The following NCKAP5 variants were observed in gnomAD, a reference collection of about 807,000 sequenced individuals.
The protein encoded by NCKAP5 is NCK associated protein 5.
A neutral mutation model predicts 167.0 loss-of-function variants in NCKAP5; 92 were observed. The observed-to-expected ratio is 0.55, with a 90% CI of 0.47 to 0.66. The LOEUF (loss-of-function observed/expected upper bound fraction) is 0.66. NCKAP5 is among the 30% of genes least tolerant of loss of function. The pLI is 0.00. For synonymous variants in NCKAP5, 891 were observed against 877.4 expected (o/e 1.02, Z -0.27); for missense variants, 2,378 against 2,315.0 (o/e 1.03, Z -0.56).
intron 4 of NCKAP5, among the ~76,000 whole-genome samples, chr2:133,214,769 G>A (rs1259074990): frequency 6.6e-6 from 1 of 152,146 alleles, no homozygotes; most frequent in Non-Finnish European, 1.5e-5. Flanking sequence ...CTACTATCAA[G>A]ATGAGAAATT....
chr2:133,027,215 G>A (rs1232388632), intron 6 of NCKAP5, among the ~76,000 whole-genome samples: 1 of 152,232 alleles, frequency 6.6e-6, no homozygotes, highest in Admixed American at 6.5e-5. Flanking sequence ...TGGTTCTAAC[G>A]CAGACAGGTC....
At chr2:133,058,493 G>T (rs1299197218) in intron 6 of NCKAP5, among the ~76,000 whole-genome samples, 2 of 152,180 alleles carry the variant, frequency 1.3e-5, no homozygotes, top group African/African-American at 4.8e-5. Context: ...CCTCATGAAT[G>T]ACTTTGAGGG....
intron 3 of NCKAP5, among the ~76,000 whole-genome samples, chr2:133,444,409 T>TAGATATAGATAG (rs1190357351): frequency 1.4e-3 from 196 of 138,750 alleles, no homozygotes; most frequent in East Asian, 5.4e-3. Flanking sequence ...GATAGATAGA[T>TAGATATAGATAG]ATAGATATAG....
At chr2:132,884,058 TCAAA>T (rs1274664864) in intron 8 of NCKAP5, among the ~76,000 whole-genome samples, 2 of 152,202 alleles carry the variant, frequency 1.3e-5, no homozygotes, top group African/African-American at 4.8e-5. Flanking sequence ...CCAGAACTCC[TCAAA>T]CACTGTTTCT....
chr2:132,794,255 TATATATATAGAGAGAGAGAGAG>T (rs1355026457), intron 12 of NCKAP5, among the ~76,000 whole-genome samples: 24 of 49,022 alleles, frequency 4.9e-4, no homozygotes, highest in African/African-American at 1.7e-3. Context: ...TATATATATA[TATATATATAGAGAGAGAGAGAG>T]AGAGAGAGAG....
At chr2:133,597,451 C>T in the NCKAP5 span, among the ~76,000 whole-genome samples, 475 of 152,130 alleles carry the variant, frequency 3.1e-3, 13 homozygotes, top group East Asian at 0.082. Flanking sequence ...AGGTGGATCA[C>T]GAGGTCAGGA....
chr2:133,145,910 C>CTTACAGCT (rs1195509878), intron 5 of NCKAP5, among the ~76,000 whole-genome samples: 1 of 152,048 alleles, frequency 6.6e-6, no homozygotes, highest in African/African-American at 2.4e-5. Context: ...TTACAAGCTT[C>CTTACAGCT]TTACAGCTGA....
chr2:133,463,461 T>C (rs535949633), intron 3 of NCKAP5, among the ~76,000 whole-genome samples: 3 of 152,380 alleles, frequency 2.0e-5, no homozygotes, highest in Non-Finnish European at 2.9e-5. Context: ...CTTTAAGTTT[T>C]AGGCTGAAGT....
intron 19 of NCKAP5, among the ~76,000 whole-genome samples, chr2:132,674,010 T>C (rs1171972657): frequency 6.6e-6 from 1 of 152,180 alleles, no homozygotes; most frequent in Non-Finnish European, 1.5e-5. Flanking sequence ...AATTCAATAA[T>C]TATCATAGGT....
chr2:133,115,752 A>T (rs2082050915), intron 6 of NCKAP5, among the ~76,000 whole-genome samples: 1 of 127,196 alleles, frequency 7.9e-6, no homozygotes, highest in Non-Finnish European at 1.6e-5. Flanking sequence ...TCTGGAGGTA[A>T]ATTGAAGTAT....
intron 8 of NCKAP5, among the ~76,000 whole-genome samples, chr2:132,948,310 GC>G (rs2076053827): frequency 6.6e-6 from 1 of 152,136 alleles, no homozygotes; most frequent in African/African-American, 2.4e-5. Context: ...GCAGCTCATT[GC>G]AACGTGATTC....
intron 6 of NCKAP5, among the ~76,000 whole-genome samples, chr2:133,011,710 A>C (rs931616180): frequency 2.7e-4 from 41 of 152,310 alleles, no homozygotes; most frequent in African/African-American, 9.4e-4. Flanking sequence ...TCAATACAGA[A>C]GAAGGAGCTT....
intron 3 of NCKAP5, among the ~76,000 whole-genome samples, chr2:133,309,482 G>A (rs1223760669): frequency 1.3e-5 from 2 of 152,170 alleles, no homozygotes; most frequent in Middle Eastern, 3.4e-3. Context: ...GGCTGAAGGT[G>A]GGGGGCACCA....
chr2:133,028,197 T>C (rs2078760665), intron 6 of NCKAP5, among the ~76,000 whole-genome samples: 4 of 152,172 alleles, frequency 2.6e-5, no homozygotes, highest in Admixed American at 2.6e-4. Context: ...ATTTTTTTAT[T>C]CTTAGAGGAA....
intron 16 of NCKAP5, among the ~76,000 whole-genome samples, chr2:132,766,872 T>C (rs1249415697): frequency 1.3e-5 from 2 of 152,216 alleles, no homozygotes; most frequent in African/African-American, 2.4e-5. Flanking sequence ...GTACATCATA[T>C]GACTATTTTA....
intron 7 of NCKAP5, among the ~76,000 whole-genome samples, chr2:132,972,658 G>A (rs747387406): frequency 2.6e-5 from 4 of 151,980 alleles, no homozygotes; most frequent in Admixed American, 1.3e-4. Flanking sequence ...TCAAGAGATC[G>A]AGATCATCTT....
At chr2:133,080,104 C>G (rs1444521404) in intron 6 of NCKAP5, among the ~76,000 whole-genome samples, 1 of 152,098 alleles carries the variant, frequency 6.6e-6, no homozygotes, top group African/African-American at 2.4e-5. Context: ...CTGATACATA[C>G]AAGACCATAC....
the NCKAP5 span, among the ~76,000 whole-genome samples, chr2:133,585,200 G>C: frequency 6.6e-6 from 1 of 152,122 alleles, no homozygotes; most frequent in Non-Finnish European, 1.5e-5. Context: ...AAACAGTTTA[G>C]GAGACATGTT....
In NCKAP5 at chr2:132,883,987, T is replaced by G. The variant is rs565757225; in HGVS notation, c.580-5071A>C. On this transcript the variant is annotated intron_variant, in intron 8 of 19. Coordinates refer to ENST00000409261, the MANE Select transcript of NCKAP5 (RefSeq NM_207363.3). ...GGAAAACTCCCGGAAAAAGTCTGTT[T>G]GAGAGTGACTTGCCATTTTGATCAA... 5.3e-4 allele frequency among the ~76,000 whole-genome samples: 80 copies of G among 152,294 alleles called. 1 individual carries two copies. Among genetic ancestry groups the G allele is most frequent in the Middle Eastern group, 3.4e-3 (1 of 294 alleles).
Sources: allele counts gnomAD v4.1 joint callset (sites outside exome capture counted in the v4.1 genomes callset), GRCh38; gene constraint gnomAD v4.1.1; transcripts MANE v1.5; gene names NCBI Gene and HGNC (gene_info 2026-07-23, HGNC 2026-07-21).